OSBPL9: variants seen among roughly 807,000 people sequenced by gnomAD.
OSBPL9 encodes the protein oxysterol binding protein like 9, also known as oxysterol-binding protein-related protein 9.
A neutral mutation model predicts 106.6 loss-of-function variants in OSBPL9; 40 were observed. That is an observed-to-expected ratio of 0.38 (90% CI 0.29 to 0.49). The LOEUF is 0.49. Among genes scored for constraint, OSBPL9 ranks in the 20% least tolerant of loss-of-function variants. The pLI, the probability that OSBPL9 is intolerant of heterozygous loss-of-function variation, is 0.97. For missense variants in OSBPL9, 609 were observed against 887.2 expected (o/e 0.69, Z 3.98); for synonymous variants, 269 against 295.4 (o/e 0.91, Z 0.92).
chr1:51,711,032 C>CT (rs60016006), intron 3 of OSBPL9, among the ~76,000 whole-genome samples: 5,965 of 144,734 alleles, frequency 0.041, 150 homozygotes, highest in Middle Eastern at 0.1. Context: ...TCTATATTTT[C>CT]TTTTTTTTTT....
rs774313819 is a variant in OSBPL9, at chr1:51,756,298, A to G, written c.544-22A>G. 3.1e-6 allele frequency: 5 copies of G among 1,604,410 alleles called. No individual in the cohort carries two copies. In the East Asian group the frequency reaches 8.9e-5, roughly 29 times the overall value. On this transcript the variant is annotated intron_variant, in intron 8 of 23. Transcript: ENST00000428468. ...ACTTACATGTAAGAATGAAGTTAAT[A>G]TTTTTAACATTTTTCCTTAAGGACC...
intron 1 of OSBPL9, among the ~76,000 whole-genome samples, chr1:51,587,449 A>G (rs774519088): frequency 2.0e-5 from 3 of 152,152 alleles, no homozygotes; most frequent in East Asian, 1.9e-4. Context: ...CTATCCTCCA[A>G]TTCTCACACT....
chr1:51,668,377 T>C (rs1008532997), intron 2 of OSBPL9, among the ~76,000 whole-genome samples: 1 of 152,108 alleles, frequency 6.6e-6, no homozygotes, highest in Non-Finnish European at 1.5e-5. Flanking sequence ...ATCCCAGCAC[T>C]TTGGGAGACT....
chr1:51,707,308 G>C (rs142927391), intron 3 of OSBPL9: 30 of 205,290 alleles, frequency 1.5e-4, no homozygotes, highest in Non-Finnish European at 7.3e-5. Context: ...GGAGACACCC[G>C]GGTGTTCAGT....
At chr1:51,645,513 C>G (rs1646099754) in intron 1 of OSBPL9, among the ~76,000 whole-genome samples, 1 of 151,612 alleles carries the variant, frequency 6.6e-6, no homozygotes, top group Admixed American at 6.6e-5. Context: ...GGGTCTCATT[C>G]TGTTGCCCAG....
intron 15 of OSBPL9, among the ~76,000 whole-genome samples, chr1:51,778,790 C>A (rs1250563734): frequency 2.6e-5 from 4 of 152,052 alleles, no homozygotes; most frequent in African/African-American, 9.7e-5. Context: ...ATCAACTTGA[C>A]CCAGTTGGCC....
At chr1:51,602,018 C>CTTTTTGTTTTTTTT (rs1645327039) in intron 2 of OSBPL9, among the ~76,000 whole-genome samples, 1 of 76,406 alleles carries the variant, frequency 1.3e-5, no homozygotes. Context: ...TCTTGGGGTT[C>CTTTTTGTTTTTTTT]TTTTTTTTTT....
intron 4 of OSBPL9, among the ~76,000 whole-genome samples, chr1:51,716,381 G>A (rs906877015): frequency 6.6e-6 from 1 of 152,184 alleles, no homozygotes; most frequent in African/African-American, 2.4e-5. Flanking sequence ...CTGTCTCTGA[G>A]TTTCAGTGGC....
At chr1:51,530,193 C>CAAAAAAAA in the OSBPL9 span, among the ~76,000 whole-genome samples, 3 of 55,658 alleles carry the variant, frequency 5.4e-5, no homozygotes, top group South Asian at 1.2e-3. Context: ...AAAAAAAAAA[C>CAAAAAAAA]AAAAAAAAAA....
At position 51,729,964 on chromosome 1, in the gene OSBPL9, G is replaced by A. The variant is rs1402585902; in HGVS notation, c.319-15572G>A. 3 of 1,316,744 alleles carry A rather than the reference G, an allele frequency of 2.3e-6. No homozygotes were observed. The highest frequency in any genetic ancestry group is 2.9e-6 in the Non-Finnish European group (3 of 1,025,010). The allele number at this position is 1,316,744 out of a possible 1,614,324, so 81.6% of individuals were successfully genotyped here. A position where few individuals can be genotyped will look rare whatever the true frequency, so the allele number is the denominator to read the frequency against. On this transcript the variant is annotated intron_variant, in intron 4 of 23. Coordinates refer to ENST00000428468, the MANE Select transcript of OSBPL9 (RefSeq NM_024586.6). This position sits in a 1 kb window ranked among gnomAD's most constrained non-coding sequence, Gnocchi z 5.1. ...CTCCCCTGGAGGCACAGAGGGCGGG[G>A]GCCTTGGCGAATGGCTTTCTTGCTG... is the stretch of plus-strand genomic sequence containing the variant.
At chr1:51,567,068 CTG>C in the OSBPL9 span, 1 of 152,220 alleles carries the variant, frequency 6.6e-6, no homozygotes, top group African/African-American at 2.4e-5. Flanking sequence ...GACTTTCCTT[CTG>C]TGATTATCTT....
chr1:51,526,019 G>A, the OSBPL9 span, among the ~76,000 whole-genome samples: 1 of 152,046 alleles, frequency 6.6e-6, no homozygotes, highest in Non-Finnish European at 1.5e-5. Flanking sequence ...TGGGACTACA[G>A]GTTCACACCA....
the OSBPL9 span, among the ~76,000 whole-genome samples, chr1:51,540,674 TG>T: frequency 6.8e-6 from 1 of 146,258 alleles, no homozygotes; most frequent in South Asian, 2.2e-4. Context: ...AAATTTTTTT[TG>T]TTGGCCAGGT....
intron 11 of OSBPL9, among the ~76,000 whole-genome samples, chr1:51,763,942 A>G (rs1464576310): frequency 6.6e-6 from 1 of 152,194 alleles, no homozygotes; most frequent in East Asian, 1.9e-4. Flanking sequence ...AGCTCTTCTT[A>G]TGTATATTAA....
chr1:51,548,347 C>T, the OSBPL9 span, among the ~76,000 whole-genome samples: 5 of 151,980 alleles, frequency 3.3e-5, no homozygotes, highest in Admixed American at 1.3e-4. Context: ...GATCCTTCTG[C>T]CTTGGCCTCC....
At chr1:51,551,672 C>T in the OSBPL9 span, among the ~76,000 whole-genome samples, 2 of 151,984 alleles carry the variant, frequency 1.3e-5, no homozygotes, top group Non-Finnish European at 2.9e-5. Context: ...ATGCAACCTC[C>T]GCCTCCTGGG....
At chr1:51,786,505 T>C in intron 21 of OSBPL9, 21 bp from the exon 22 acceptor site, 2 of 1,519,898 alleles carry the variant, frequency 1.3e-6, no homozygotes, top group Non-Finnish European at 1.8e-6. Context: ...CTAGTTCCCA[T>C]CCACCTCTAT....
chr1:51,694,352 A>G (rs1655593352), intron 3 of OSBPL9, among the ~76,000 whole-genome samples: 1 of 152,228 alleles, frequency 6.6e-6, no homozygotes, highest in Non-Finnish European at 1.5e-5. Flanking sequence ...GGATTCTCAT[A>G]TCTGCTTATG....
intron 1 of OSBPL9, chr1:51,583,453 AG>A (rs1372137601): frequency 6.6e-6 from 1 of 152,234 alleles, no homozygotes; most frequent in Non-Finnish European, 1.5e-5. Context: ...AAATTACCCA[AG>A]GTCACCCACT....
Sources: gnomAD v4.1 joint callset for allele counts (sites outside exome capture counted in the v4.1 genomes callset) on GRCh38, gnomAD v4.1.1 for gene constraint, Gnocchi (gnomAD v3.1) non-coding constraint, MANE v1.5 for transcripts, NCBI Gene and HGNC (gene_info 2026-07-23, HGNC 2026-07-21) for gene names.